The following STPG2 variants were observed in gnomAD, a reference collection of about 807,000 sequenced individuals.
STPG2 encodes the protein sperm tail PG-rich repeat containing 2.
In STPG2, 56 loss-of-function variants were observed where a neutral mutation model predicts 54.2. That is an observed-to-expected ratio of 1.03 (90% confidence interval 0.83 to 1.29). The LOEUF is 1.29. Ranked by LOEUF, STPG2 falls within the 50% of genes most tolerant of loss-of-function variation. The pLI, the probability that STPG2 is intolerant of heterozygous loss-of-function variation, is 0.00. For missense variants in STPG2, 596 were observed against 544.9 expected, an observed-to-expected ratio of 1.09 and a Z score of -0.93; for synonymous variants, 200 against 181.8, an observed-to-expected ratio of 1.10 and a Z score of -0.81.
chr4:98,102,908 A>G (rs1739086495), intron 5 of STPG2, among the ~76,000 whole-genome samples: 1 of 148,986 alleles, frequency 6.7e-6, no homozygotes, highest in Non-Finnish European at 1.5e-5. Flanking sequence ...ATAATATATA[A>G]CAAATAATTA....
intron 5 of STPG2, among the ~76,000 whole-genome samples, chr4:98,074,670 T>C (rs1372043534): frequency 6.6e-6 from 1 of 152,248 alleles, no homozygotes; most frequent in Non-Finnish European, 1.5e-5. Context: ...TAATTCTCTC[T>C]TTTGCACTAG....
chr4:97,742,829 A>G (rs1312961850), intron 9 of STPG2, among the ~76,000 whole-genome samples: 2 of 151,660 alleles, frequency 1.3e-5, no homozygotes, highest in African/African-American at 4.8e-5. Context: ...ACTTCTAGAG[A>G]TCTCAAGTAC....
chr4:97,650,095 A>G (rs1199197363), intron 10 of STPG2, among the ~76,000 whole-genome samples: 1 of 152,118 alleles, frequency 6.6e-6, no homozygotes, highest in East Asian at 1.9e-4. Flanking sequence ...TCATGCTCCC[A>G]CAAGAATCTA....
chr4:97,604,140 T>A (rs1299339531), intron 10 of STPG2, among the ~76,000 whole-genome samples: 1 of 151,598 alleles, frequency 6.6e-6, no homozygotes, highest in Non-Finnish European at 1.5e-5. Flanking sequence ...TTGGACTCAG[T>A]TTTACTCTAG....
intron 4 of STPG2, among the ~76,000 whole-genome samples, chr4:97,539,318 G>A (rs971095587): frequency 2.0e-5 from 3 of 152,106 alleles, no homozygotes; most frequent in Middle Eastern, 3.4e-3. Context: ...CAGAGACACA[G>A]ACAGGCTCAA....
chr4:97,766,742 T>C (rs1047816905), intron 9 of STPG2, among the ~76,000 whole-genome samples: 2 of 152,100 alleles, frequency 1.3e-5, no homozygotes, highest in Admixed American at 1.3e-4. Flanking sequence ...ATTTTGCTTT[T>C]GTTTTTGTCA....
intron 2 of STPG2, among the ~76,000 whole-genome samples, chr4:98,129,657 T>C (rs540034649): frequency 1.3e-4 from 20 of 152,196 alleles, no homozygotes; most frequent in Non-Finnish European, 2.5e-4. Context: ...AACATGAAGG[T>C]GTAATATATA....
chr4:97,892,354 G>A (rs1017384916), intron 8 of STPG2, among the ~76,000 whole-genome samples: 1 of 152,120 alleles, frequency 6.6e-6, no homozygotes. Flanking sequence ...GCACTCTCAT[G>A]CATCAGCACC....
intron 8 of STPG2, among the ~76,000 whole-genome samples, chr4:97,901,010 A>C (rs1731157190): frequency 6.6e-6 from 1 of 151,968 alleles, no homozygotes; most frequent in Non-Finnish European, 1.5e-5. Context: ...GCAACACTCA[A>C]AGAAAAAAAC....
At chr4:98,057,399 A>G (rs969959123) in intron 5 of STPG2, among the ~76,000 whole-genome samples, 4 of 152,206 alleles carry the variant, frequency 2.6e-5, no homozygotes, top group Non-Finnish European at 5.9e-5. Flanking sequence ...CACTACAAAA[A>G]TGTCATAATG....
At chr4:97,969,494 AC>A (rs1271698958) in intron 7 of STPG2, among the ~76,000 whole-genome samples, 1 of 151,630 alleles carries the variant, frequency 6.6e-6, no homozygotes, top group East Asian at 1.9e-4. Context: ...AAAGGCAGTG[AC>A]CCCCCTGGAC....
intron 4 of STPG2, among the ~76,000 whole-genome samples, chr4:97,462,329 G>A (rs1265912147): frequency 6.6e-6 from 1 of 151,256 alleles, no homozygotes; most frequent in African/African-American, 2.4e-5. Context: ...CTTAATATTT[G>A]GTATGTAAAT....
chr4:97,906,193 G>A (rs374142726), intron 8 of STPG2, among the ~76,000 whole-genome samples: 52 of 152,198 alleles, frequency 3.4e-4, no homozygotes, highest in African/African-American at 8.2e-4. Flanking sequence ...TATCACCACC[G>A]ATCCCACAGA....
At chr4:97,475,267 T>C (rs1445933740) in intron 4 of STPG2, among the ~76,000 whole-genome samples, 1 of 151,792 alleles carries the variant, frequency 6.6e-6, no homozygotes, top group African/African-American at 2.4e-5. Context: ...ATATAATTGT[T>C]TTGATTAATA....
chr4:97,541,586 C>T (rs960693780), intron 4 of STPG2, among the ~76,000 whole-genome samples: 10 of 152,064 alleles, frequency 6.6e-5, no homozygotes, highest in African/African-American at 2.2e-4. Flanking sequence ...CATCAAGCTA[C>T]GAATGATTTT....
chr4:97,906,055 C>T (rs1204074349), intron 8 of STPG2, among the ~76,000 whole-genome samples: 1 of 151,840 alleles, frequency 6.6e-6, no homozygotes, highest in African/African-American at 2.4e-5. Flanking sequence ...AAAAACCCTT[C>T]AAAAAAGTAA....
intron 9 of STPG2, among the ~76,000 whole-genome samples, chr4:97,822,726 G>T (rs1291484832): frequency 6.6e-6 from 1 of 152,164 alleles, no homozygotes; most frequent in Non-Finnish European, 1.5e-5. Flanking sequence ...CAAGTAGGGG[G>T]TAAGGGTGCC....
intron 5 of STPG2, among the ~76,000 whole-genome samples, chr4:98,011,952 C>T (rs1182849443): frequency 6.6e-6 from 1 of 152,114 alleles, no homozygotes; most frequent in Non-Finnish European, 1.5e-5. Flanking sequence ...TGCAGAAGCT[C>T]TTTAGTTTAA....
chr4:97,684,812 C>A (rs1000530484), intron 10 of STPG2, among the ~76,000 whole-genome samples: 2 of 151,616 alleles, frequency 1.3e-5, no homozygotes, highest in Admixed American at 6.6e-5. Flanking sequence ...AAGAGACAAG[C>A]CAAAAATTGG....
Sources: allele counts gnomAD v4.1 joint callset (sites outside exome capture counted in the v4.1 genomes callset), GRCh38; gene constraint gnomAD v4.1.1; transcripts MANE v1.5; gene names NCBI Gene and HGNC (gene_info 2026-07-23, HGNC 2026-07-21).